The following DOCK2 variants were observed in gnomAD, a reference collection of about 807,000 sequenced individuals.
DOCK2 encodes the protein dedicator of cytokinesis protein 2.
DOCK2 carries 87 observed loss-of-function variants against 248.9 expected under a neutral mutation model. The observed-to-expected ratio is 0.35, with a 90% CI of 0.29 to 0.42. The LOEUF (loss-of-function observed/expected upper bound fraction) is 0.42, where lower values mean the gene tolerates loss of function less well. Ranked by LOEUF, DOCK2 falls within the 10% of genes least tolerant of loss-of-function variation. DOCK2 has a pLI of 1.00. For synonymous variants in DOCK2, 805 were observed against 821.6 expected (o/e 0.98, Z 0.35); for missense variants, 1,747 against 2,300.2 (o/e 0.76, Z 4.92).
chr5:169,722,427 C>A (rs1220588783), intron 22 of DOCK2, among the ~76,000 whole-genome samples: 1 of 152,198 alleles, frequency 6.6e-6, no homozygotes, highest in Non-Finnish European at 1.5e-5. Context: ...GAGTTGCTCC[C>A]ACTTGTCTCT....
At chr5:169,884,426 A>G (rs1440221289) in intron 27 of DOCK2, 1 of 152,366 alleles carries the variant, frequency 6.6e-6, no homozygotes, top group African/African-American at 2.4e-5. Flanking sequence ...TTCTTTCCAT[A>G]GCAGGTAAAC....
At chr5:170,075,734 G>T (rs1015745277) in intron 46 of DOCK2, 2 of 583,220 alleles carry the variant, frequency 3.4e-6, no homozygotes, top group Non-Finnish European at 6.0e-6. Flanking sequence ...AAGGGAAGCT[G>T]GGGGTCTTTC....
rs576560895 is a variant in DOCK2 at position 170,076,173 on chromosome 5, G to A, written c.4866+89G>A. 6.4e-4 allele frequency: 967 copies of A among 1,510,822 alleles called. 2 individuals carry two copies. The highest frequency in any genetic ancestry group is 8.2e-4 in the South Asian group (65 of 79,170). 93.6% of individuals were successfully genotyped at this position (1,510,822 alleles called of 1,614,324 possible). ...GGAGGCTGAAGTTGGAGGGGATCCA[G>A]CAAAGGAAGCTGCTTCCAAAGAGAA... On this transcript the variant is annotated intron_variant, in intron 47 of 51. Coordinates refer to ENST00000520908, the MANE Select transcript of DOCK2 (RefSeq NM_004946.3).
At position 169,695,901 on chromosome 5, in the gene DOCK2, G is replaced by A; in HGVS notation, c.942G>A (p.Lys314=). The A allele has an allele frequency of 6.2e-7, 1 of 1,613,708 alleles. No homozygotes were observed. Among genetic ancestry groups the A allele is most frequent in the Non-Finnish European group, 8.5e-7 (1 of 1,179,828 alleles). Residue 314 remains lysine (K), a synonymous_variant, in exon 10 of 52, where the codon AAG becomes AAA. Coordinates refer to ENST00000520908, the MANE Select transcript of DOCK2 (RefSeq NM_004946.3). ...ATCTTAAGGATACTGGTGCAAAGAAGTGCACGCAGGGACTGAGGAGGCCCT... is the reference window on the plus strand; with the variant it reads ...ATCTTAAGGATACTGGTGCAAAGAAATGCACGCAGGGACTGAGGAGGCCCT... ...KMDLKDTGAK[K]CTQGLRRPFG... is the part of the protein sequence containing the mutation.
intron 25 of DOCK2, among the ~76,000 whole-genome samples, chr5:169,777,373 C>A (rs555195531): frequency 6.6e-6 from 1 of 152,302 alleles, no homozygotes; most frequent in Non-Finnish European, 1.5e-5. Context: ...TTAAATGCGA[C>A]CACACTGAGA....
chr5:169,798,560 A>C (rs1208164664), intron 25 of DOCK2, among the ~76,000 whole-genome samples: 1 of 152,176 alleles, frequency 6.6e-6, no homozygotes, highest in Admixed American at 6.5e-5. Context: ...TTTTAAGGAA[A>C]ACCCTGACCT....
chr5:170,012,043 A>G (rs1755318174), intron 32 of DOCK2, among the ~76,000 whole-genome samples: 1 of 152,234 alleles, frequency 6.6e-6, no homozygotes, highest in Non-Finnish European at 1.5e-5. Flanking sequence ...TTTTATAGGT[A>G]AAGTTGCCAG....
intron 27 of DOCK2, among the ~76,000 whole-genome samples, chr5:169,948,991 CA>C (rs1042733771): frequency 6.6e-6 from 1 of 152,126 alleles, no homozygotes; most frequent in Admixed American, 6.5e-5. Flanking sequence ...CATCCAGTTA[CA>C]AAGGTGCAAT....
At chr5:169,787,087 G>C (rs1307123412) in intron 25 of DOCK2, among the ~76,000 whole-genome samples, 1 of 152,072 alleles carries the variant, frequency 6.6e-6, no homozygotes, top group East Asian at 1.9e-4. Context: ...TACAGATACA[G>C]AAACAAAGAT....
At chr5:169,870,610 A>G (rs987916302) in intron 27 of DOCK2, among the ~76,000 whole-genome samples, 11 of 151,074 alleles carry the variant, frequency 7.3e-5, no homozygotes, top group Non-Finnish European at 1.0e-4. Flanking sequence ...TTAAAATTTT[A>G]TTATTATTAT....
intron 25 of DOCK2, among the ~76,000 whole-genome samples, chr5:169,781,027 T>G (rs1365935877): frequency 6.6e-6 from 1 of 152,214 alleles, no homozygotes; most frequent in African/African-American, 2.4e-5. Flanking sequence ...AGGGTCCTGG[T>G]GGCTAGAGCC....
intron 38 of DOCK2, among the ~76,000 whole-genome samples, chr5:170,044,274 G>A (rs114149332): frequency 6.6e-6 from 1 of 152,190 alleles, no homozygotes; most frequent in Non-Finnish European, 1.5e-5. Flanking sequence ...CATGAGAGTA[G>A]AGTCTGTGTC....
rs1757939665 is a variant in DOCK2, at chr5:170,079,165, T to C, written c.5166+19T>C. The C allele has an allele frequency of 4.3e-6, 7 of 1,610,794 alleles. No homozygotes were observed. In the African/African-American group the frequency reaches 9.4e-5, roughly 22 times the overall value. On this transcript the variant is annotated intron_variant, in intron 49 of 51. Transcript: ENST00000520908. ...GAAGCGGGTGAGTGGCTGAGGCAGA[T>C]TGCCTCTCCAGCGCTGTTAGCACAT...
chr5:169,744,242 C>G (rs968332559), intron 22 of DOCK2, among the ~76,000 whole-genome samples: 4 of 152,202 alleles, frequency 2.6e-5, no homozygotes, highest in African/African-American at 7.2e-5. Context: ...GATCACTGCT[C>G]TCTTTCTCGT....
At chr5:170,055,683 T>A in intron 42 of DOCK2, among the ~76,000 whole-genome samples, 1 of 152,198 alleles carries the variant, frequency 6.6e-6, no homozygotes, top group East Asian at 1.9e-4. Context: ...CTCAGGTTGA[T>A]CTCAGAGTGG....
chr5:169,899,914 T>A (rs1014532633), intron 27 of DOCK2, among the ~76,000 whole-genome samples: 17 of 152,234 alleles, frequency 1.1e-4, no homozygotes, highest in African/African-American at 3.9e-4. Context: ...CCTAATCATG[T>A]ATTACTTGAT....
chr5:169,705,728 G>T (rs990935348), intron 14 of DOCK2, among the ~76,000 whole-genome samples: 2 of 152,202 alleles, frequency 1.3e-5, no homozygotes, highest in Non-Finnish European at 1.5e-5. Context: ...GGAGAACACT[G>T]TCTTTCCTAA....
intron 27 of DOCK2, among the ~76,000 whole-genome samples, chr5:169,898,969 T>A (rs1773769490): frequency 6.6e-6 from 1 of 151,930 alleles, no homozygotes; most frequent in African/African-American, 2.4e-5. Flanking sequence ...CATCCAGAAG[T>A]TAAGAACTCA....
chr5:169,688,810 A>G (rs1233031087), intron 8 of DOCK2, among the ~76,000 whole-genome samples: 2 of 152,346 alleles, frequency 1.3e-5, no homozygotes, highest in East Asian at 3.9e-4. Flanking sequence ...CTCTACATTC[A>G]AAGGGTAACT....
Sources: allele counts gnomAD v4.1 joint callset (sites outside exome capture counted in the v4.1 genomes callset), GRCh38; gene constraint gnomAD v4.1.1; transcripts MANE v1.5; gene names NCBI Gene and HGNC (gene_info 2026-07-23, HGNC 2026-07-21).